The following KMT2C variants were observed in gnomAD, a reference collection of about 807,000 sequenced individuals.
KMT2C encodes lysine methyltransferase 2C.
In KMT2C, 88 loss-of-function variants were observed where a neutral mutation model predicts 507.9. The observed-to-expected ratio is 0.17, with a 90% CI of 0.15 to 0.21. KMT2C has a LOEUF of 0.21. Among genes scored for constraint, KMT2C ranks in the 10% least tolerant of loss-of-function variants. The pLI is 1.00. For missense variants in KMT2C, 4,954 were observed against 5,957.8 expected (o/e 0.83, Z 5.55); for synonymous variants, 2,049 against 2,080.8 (o/e 0.98, Z 0.42).
intron 2 of KMT2C, among the ~76,000 whole-genome samples, chr7:152,335,661 T>C (rs1324836804): frequency 1.3e-5 from 2 of 152,216 alleles, no homozygotes; most frequent in East Asian, 1.9e-4. Flanking sequence ...GTTTCAGCTT[T>C]TTCCTTATTT....
chr7:152,367,129 T>C, intron 1 of KMT2C: 1 of 1,107,392 alleles, frequency 9.0e-7, no homozygotes. Flanking sequence ...TGTGGTCTCC[T>C]AGAAATCTAG....
chr7:152,384,540 T>A lies in KMT2C; in HGVS notation c.162-25865A>T, dbSNP rs527525527. On this transcript the variant is annotated intron_variant, in intron 1 of 58. Coordinates refer to ENST00000262189, the MANE Select transcript of KMT2C (RefSeq NM_170606.3). ...AATGCCTCTGCTATATTATCCCCCATGTGCATAACACCACCACCACCACCA... is the reference window on the plus strand; with the variant it reads ...AATGCCTCTGCTATATTATCCCCCAAGTGCATAACACCACCACCACCACCA... Among the ~76,000 whole-genome samples, 8 of 23,746 alleles carry A rather than the reference T, an allele frequency of 3.4e-4. No individual in the cohort carries two copies. The East Asian group carries it at 6.5e-3, about 19-fold the overall frequency. The allele number at this position is 23,746 out of a possible 152,430, so 15.6% of individuals were successfully genotyped here. A position where few individuals can be genotyped will look rare whatever the true frequency, so the allele number is the denominator to read the frequency against.
chr7:152,205,149 A>G lies in KMT2C; in HGVS notation c.3918T>C (p.Asp1306=). The change falls in exon 25 of 59, where the codon GAT becomes GAC. Residue 1306 remains aspartate (D), a synonymous_variant. Coordinates refer to ENST00000262189, the MANE Select transcript of KMT2C (RefSeq NM_170606.3). ...ACTGCTCGGAAATAGAGCCTGAGGA[A>G]TCTTTTCTGATCACAGATCTTTTGG... ...GKTKRSVIRK[D]SSGSISEQLP... 6.2e-7 allele frequency: 1 copy of G among 1,612,088 alleles called. No homozygotes were observed. The highest frequency in any genetic ancestry group is 1.7e-4 in the Middle Eastern group (1 of 5,844).
chr7:152,232,694 G>A (rs1218870604), intron 16 of KMT2C, among the ~76,000 whole-genome samples: 1 of 152,016 alleles, frequency 6.6e-6, no homozygotes, highest in Non-Finnish European at 1.5e-5. Context: ...TGTGTTACAT[G>A]CATAGTATTA....
chr7:152,136,027 T>C lies in KMT2C; in HGVS notation c.*805A>G, dbSNP rs914992192. ...GCAGAGCCTGGTAGCATTTGGTCAA[T>C]AACTATTTTTATACTGTATTTTTTC... On this transcript the variant is annotated 3_prime_UTR_variant, in exon 59 of 59. Coordinates refer to ENST00000262189, the MANE Select transcript of KMT2C (RefSeq NM_170606.3). The C allele has an allele frequency of 2.7e-5, 6 of 223,430 alleles. No homozygotes were observed. Among genetic ancestry groups the C allele is most frequent in the African/African-American group, 1.3e-4 (6 of 44,874 alleles). The allele number at this position is 223,430 out of a possible 1,614,324, so 13.8% of individuals were successfully genotyped here. A position where few individuals can be genotyped will look rare whatever the true frequency, so the allele number is the denominator to read the frequency against.
intron 6 of KMT2C, among the ~76,000 whole-genome samples, chr7:152,287,888 G>A (rs1295186996): frequency 6.6e-6 from 1 of 151,604 alleles, no homozygotes; most frequent in Admixed American, 6.6e-5. Flanking sequence ...GCCAGGCATG[G>A]TGGTGCACGC....
rs1321627777 is a variant in KMT2C at position 152,177,247 on chromosome 7, C to A, written c.8206G>T (p.Asp2736Tyr). The part of the protein sequence containing the change: ...DGKVVELDTL[D>Y]NLETNDPNLD... ...TTGGGATCATTAGTTTCCAAATTAT[C>A]TAAAGTATCCAATTCAACTACCTTG... The change falls in exon 38 of 59, where the codon GAT becomes TAT. Residue 2736 changes from aspartate to tyrosine, a missense_variant. By Grantham distance (160) the Asp-to-Tyr change is radical. Transcript: ENST00000262189. 6.2e-7 allele frequency: 1 copy of A among 1,613,812 alleles called. No individual in the cohort carries two copies.
intron 23 of KMT2C, among the ~76,000 whole-genome samples, chr7:152,210,354 T>TA (rs1464290985): frequency 6.6e-6 from 1 of 152,162 alleles, no homozygotes; most frequent in African/African-American, 2.4e-5. Flanking sequence ...ATTCCTTTTT[T>TA]AAAAAATAAA....
At position 152,177,494 on chromosome 7, in the gene KMT2C, T is replaced by C. The variant is rs1368303346; in HGVS notation, c.7959A>G (p.Leu2653=). Residue 2653 remains leucine (L), a synonymous_variant, in exon 38 of 59, where the codon CTA becomes CTG. Coordinates refer to ENST00000262189, the MANE Select transcript of KMT2C (RefSeq NM_170606.3). ...AAGGAGCTTCTGAAAATTCACCACC[T>C]AGTGGATGGTTCAGAGTCCTCATGA... ...SMVMRTLNHP[L]GGEFSEAPLS... 1.9e-6 allele frequency: 3 copies of C among 1,614,082 alleles called. No individual in the cohort carries two copies. The highest frequency in any genetic ancestry group is 2.5e-6 in the Non-Finnish European group (3 of 1,180,038).
chr7:152,359,578 T>A (rs773641885), intron 1 of KMT2C, among the ~76,000 whole-genome samples: 8 of 151,940 alleles, frequency 5.3e-5, no homozygotes, highest in African/African-American at 1.9e-4. Context: ...AAGACCAGCC[T>A]GGCCATCATG....
rs1232091829 is a variant in KMT2C at position 152,255,107 on chromosome 7, AC to A, written c.1300-2393del. On this transcript the variant is annotated intron_variant, in intron 9 of 58. Coordinates refer to ENST00000262189, the MANE Select transcript of KMT2C (RefSeq NM_170606.3). ...AAAATCAAGATGTCAATCAACTCTC[AC>A]TTATATATATATATATATATATATA... Among the ~76,000 whole-genome samples the A allele has an allele frequency of 7.0e-3, 709 of 101,900 alleles. 9 individuals are homozygous for A. The highest frequency in any genetic ancestry group is 0.024 in the African/African-American group (536 of 22,594). 66.9% of individuals were successfully genotyped at this position (101,900 alleles called of 152,430 possible).
rs748683622 is a variant in KMT2C, at chr7:152,163,605, A to G, written c.9972T>C (p.Thr3324=). 14 of 1,606,746 alleles carry G rather than the reference A, an allele frequency of 8.7e-6. No individual in the cohort carries two copies. The South Asian group carries it at 8.9e-5, about 10-fold the overall frequency. ...QQHTTVISGH[T]SPVRMPSLPG... Reference sequence around the variant, plus strand: ...GTAAACTGGGCATTCTAACAGGGCTAGTATGGCCAGAAATAACTGTTGTGT... The same window carrying G: ...GTAAACTGGGCATTCTAACAGGGCTGGTATGGCCAGAAATAACTGTTGTGT... The change falls in exon 43 of 59, where the codon ACT becomes ACC. Residue 3324 remains threonine, a synonymous_variant. Coordinates refer to ENST00000262189, the MANE Select transcript of KMT2C (RefSeq NM_170606.3).
chr7:152,297,488 AG>A (rs1426075093), intron 6 of KMT2C, among the ~76,000 whole-genome samples: 1 of 152,202 alleles, frequency 6.6e-6, no homozygotes, highest in Non-Finnish European at 1.5e-5. Context: ...AAACAATGGG[AG>A]GGAACAGGGC....
intron 39 of KMT2C, among the ~76,000 whole-genome samples, chr7:152,173,771 CTCAG>C (rs952837555): frequency 2.4e-4 from 37 of 152,228 alleles, no homozygotes; most frequent in African/African-American, 8.9e-4. Context: ...GCTTTAATCA[CTCAG>C]TGTCTTAACT....
intron 44 of KMT2C, 30 bp from the exon 45 acceptor site, chr7:152,156,376 T>C (rs1253480273): frequency 1.9e-6 from 3 of 1,612,030 alleles, no homozygotes; most frequent in Admixed American, 1.7e-5. Flanking sequence ...TTAAATTATA[T>C]GCTACTGAGC....
chr7:152,253,959 C>T (rs2095605173), intron 9 of KMT2C, among the ~76,000 whole-genome samples: 1 of 152,090 alleles, frequency 6.6e-6, no homozygotes, highest in African/African-American at 2.4e-5. Context: ...TCTCATTACC[C>T]ACCCCAAATT....
At chr7:152,410,609 TTA>T (rs1337664141) in intron 1 of KMT2C, among the ~76,000 whole-genome samples, 2 of 147,304 alleles carry the variant, frequency 1.4e-5, no homozygotes, top group Non-Finnish European at 3.0e-5. Context: ...AAGTTTTAAT[TTA>T]TATATATTAT....
At position 152,377,651 on chromosome 7, in the gene KMT2C, G is replaced by A. The variant is rs112862037; in HGVS notation, c.162-18976C>T. Among the ~76,000 whole-genome samples the A allele has an allele frequency of 2.7e-3, 403 of 148,954 alleles. 4 individuals carry two copies. The highest frequency in any genetic ancestry group is 0.021 in the Middle Eastern group (6 of 292). On this transcript the variant is annotated intron_variant, in intron 1 of 58. Coordinates refer to ENST00000262189, the MANE Select transcript of KMT2C (RefSeq NM_170606.3). The stretch of plus-strand genomic sequence containing the variant: ...TCGGGGGAGCTGAGTCAGGAGAATC[G>A]CTTGAACCAGGAGGCAGAGGTTGCA...
intron 1 of KMT2C, among the ~76,000 whole-genome samples, chr7:152,431,610 A>AG (rs1196012885): frequency 6.6e-6 from 1 of 151,890 alleles, no homozygotes; most frequent in Non-Finnish European, 1.5e-5. Flanking sequence ...TGTCAAAAAA[A>AG]AAAAAAAAGA....
Sources: allele counts gnomAD v4.1 joint callset (sites outside exome capture counted in the v4.1 genomes callset), GRCh38; gene constraint gnomAD v4.1.1; transcripts MANE v1.5; gene names NCBI Gene and HGNC (gene_info 2026-07-23, HGNC 2026-07-21).